The following NAV1 variants were observed in gnomAD, a reference collection of about 807,000 sequenced individuals.
NAV1 encodes the protein pore membrane and/or filament interacting like protein 3.
A neutral mutation model predicts 175.2 loss-of-function variants in NAV1; 18 were observed. The observed-to-expected ratio is 0.10, with a 90% CI of 0.07 to 0.15. The LOEUF (loss-of-function observed/expected upper bound fraction) is 0.15. Ranked by LOEUF, NAV1 falls within the 10% of genes least tolerant of loss-of-function variation. The probability of loss-of-function intolerance (pLI) is 1.00; values close to 1 mark genes in which losing one functional copy is unlikely to be tolerated. For synonymous variants in NAV1, 897 were observed against 978.7 expected (o/e 0.92, Z 1.56); for missense variants, 1,731 against 2,436.6 (o/e 0.71, Z 6.10).
At chr1:201,643,025 T>C (rs570235272) in intron 2 of NAV1, among the ~76,000 whole-genome samples, 25 of 151,784 alleles carry the variant, frequency 1.6e-4, no homozygotes, top group South Asian at 4.2e-4. Flanking sequence ...CCGTCCGCCT[T>C]GGCCTCCCAA....
At chr1:201,590,249 G>A (rs1553241304) in intron 2 of NAV1, among the ~76,000 whole-genome samples, 1 of 152,302 alleles carries the variant, frequency 6.6e-6, no homozygotes, top group African/African-American at 2.4e-5. Context: ...CAGGTGAATG[G>A]TAAGCACCCA....
chr1:201,590,791 A>G (rs1475778168), intron 2 of NAV1, among the ~76,000 whole-genome samples: 1 of 152,154 alleles, frequency 6.6e-6, no homozygotes, highest in Non-Finnish European at 1.5e-5. Flanking sequence ...CAGCCCAGAA[A>G]AGCAGATGGG....
intron 1 of NAV1, among the ~76,000 whole-genome samples, chr1:201,679,988 T>G (rs1670400343): frequency 6.6e-6 from 1 of 152,256 alleles, no homozygotes. Flanking sequence ...AATTCAGTAC[T>G]ATGTATGTTA....
intron 3 of NAV1, among the ~76,000 whole-genome samples, chr1:201,752,021 G>C (rs897896212): frequency 6.6e-5 from 10 of 152,142 alleles, no homozygotes; most frequent in Non-Finnish European, 1.5e-4. Flanking sequence ...CAATGCATTA[G>C]CTGGGTTTTC....
intron 17 of NAV1, among the ~76,000 whole-genome samples, chr1:201,806,624 C>G (rs906192629): frequency 6.6e-6 from 1 of 152,168 alleles, no homozygotes; most frequent in Admixed American, 6.5e-5. Context: ...CTAAGTCTTA[C>G]GTCAATTATG....
At chr1:201,575,033 T>C (rs1666655815) in intron 1 of NAV1, among the ~76,000 whole-genome samples, 1 of 152,208 alleles carries the variant, frequency 6.6e-6, no homozygotes, top group Non-Finnish European at 1.5e-5. Context: ...CCAAAGACTT[T>C]CCAGCAGCTG....
chr1:201,651,668 C>T (rs12121435), intron 1 of NAV1, among the ~76,000 whole-genome samples: 31,884 of 152,044 alleles, frequency 0.21, 4,105 homozygotes, highest in Admixed American at 0.37. Context: ...GCAGCTCTTC[C>T]TAGGAGACCT....
chr1:201,774,883 A>G (rs1571479621), intron 3 of NAV1, among the ~76,000 whole-genome samples: 1 of 152,374 alleles, frequency 6.6e-6, no homozygotes, highest in Admixed American at 6.5e-5. Context: ...TGATGAGATC[A>G]TGGGAAGCTG....
At chr1:201,771,577 G>C (rs1001636001) in intron 3 of NAV1, among the ~76,000 whole-genome samples, 10 of 151,230 alleles carry the variant, frequency 6.6e-5, no homozygotes, top group African/African-American at 2.4e-4. Context: ...AGGCTAGACT[G>C]ACTCAGCTCT....
At chr1:201,688,323 AG>A (rs1344765158) in intron 1 of NAV1, 1 of 152,224 alleles carries the variant, frequency 6.6e-6, no homozygotes, top group Non-Finnish European at 1.5e-5. Context: ...ACCTCTTCCC[AG>A]GAGGGACGTG....
intron 3 of NAV1, among the ~76,000 whole-genome samples, chr1:201,754,723 C>T (rs554836956): frequency 1.3e-5 from 2 of 152,118 alleles, no homozygotes; most frequent in African/African-American, 4.8e-5. Flanking sequence ...CTGCTTTTAC[C>T]TTTTTAATCC....
chr1:201,674,394 G>A (rs542245585), intron 1 of NAV1, among the ~76,000 whole-genome samples: 3 of 152,152 alleles, frequency 2.0e-5, no homozygotes, highest in African/African-American at 4.8e-5. Context: ...TGTGTGTTGG[G>A]GGGGGTTGTC....
At chr1:201,625,117 C>T (rs543206820) in intron 1 of NAV1, among the ~76,000 whole-genome samples, 2 of 152,210 alleles carry the variant, frequency 1.3e-5, no homozygotes, top group East Asian at 1.9e-4. Flanking sequence ...AAAAGGACAT[C>T]GACATACAAA....
intron 1 of NAV1, among the ~76,000 whole-genome samples, chr1:201,576,552 G>A (rs1424384150): frequency 4.0e-5 from 6 of 151,162 alleles, no homozygotes; most frequent in Non-Finnish European, 8.8e-5. Flanking sequence ...ACCAGTCTGG[G>A]CAACACAGCG....
At chr1:201,818,777 G>A (rs984531082) in intron 29 of NAV1, among the ~76,000 whole-genome samples, 4 of 152,094 alleles carry the variant, frequency 2.6e-5, no homozygotes, top group African/African-American at 7.2e-5. Flanking sequence ...CTTAACATGC[G>A]CAAATCCTGT....
intron 2 of NAV1, among the ~76,000 whole-genome samples, chr1:201,605,093 C>T (rs1039324188): frequency 2.0e-5 from 3 of 151,654 alleles, no homozygotes; most frequent in South Asian, 2.1e-4. Context: ...AAACGATGAC[C>T]CAGCACCAGG....
At chr1:201,699,889 T>C (rs1671343314) in intron 1 of NAV1, among the ~76,000 whole-genome samples, 2 of 152,234 alleles carry the variant, frequency 1.3e-5, no homozygotes, top group African/African-American at 2.4e-5. Flanking sequence ...GCTAGCCATA[T>C]GTAGAAAGCT....
intron 3 of NAV1, among the ~76,000 whole-genome samples, chr1:201,760,238 GGT>G (rs1179289121): frequency 5.9e-5 from 9 of 152,170 alleles, no homozygotes; most frequent in Non-Finnish European, 1.3e-4. Flanking sequence ...GGCCCAGGCG[GGT>G]GGATCGCTTA....
upstream of NAV1, among the ~76,000 whole-genome samples, chr1:201,620,660 G>A (rs1371490286): frequency 2.0e-5 from 3 of 151,710 alleles, no homozygotes; most frequent in Admixed American, 6.6e-5. Flanking sequence ...GCAGAGATGA[G>A]GTTTTGCCAT....
Sources: allele counts gnomAD v4.1 joint callset (sites outside exome capture counted in the v4.1 genomes callset), GRCh38; gene constraint gnomAD v4.1.1; transcripts MANE v1.5; gene names NCBI Gene and HGNC (gene_info 2026-07-23, HGNC 2026-07-21).